CIMAP1B: variants seen among roughly 807,000 people sequenced by gnomAD.
CIMAP1B encodes the protein orf2 5' to PD-ECGF/TP.
the CIMAP1B span, chr22:50,532,019 G>A: frequency 1.5e-6 from 2 of 1,355,176 alleles, no homozygotes; most frequent in Non-Finnish European, 1.9e-6. Flanking sequence ...GTAGTGCGCC[G>A]CGATGGGGCC....
chr22:50,532,080 C>A, the CIMAP1B span: 1 of 1,367,252 alleles, frequency 7.3e-7, no homozygotes, highest in Non-Finnish European at 9.5e-7. Flanking sequence ...GAGCCCATAG[C>A]GCGGGTGGGG....
At chr22:50,530,458 G>T in the CIMAP1B span, 1 of 1,578,292 alleles carries the variant, frequency 6.3e-7, no homozygotes, top group Non-Finnish European at 8.6e-7. Flanking sequence ...AAACACGTGT[G>T]GGGCCGCTCC....
chr22:50,530,886 C>T, the CIMAP1B span: 1 of 1,607,586 alleles, frequency 6.2e-7, no homozygotes, highest in Non-Finnish European at 8.5e-7. Context: ...GCTGCCGCCT[C>T]CACTGCCGCG....
chr22:50,531,531 G>T, the CIMAP1B span: 1 of 1,402,664 alleles, frequency 7.1e-7, no homozygotes, highest in Non-Finnish European at 9.2e-7. Flanking sequence ...CCTGGAGGCA[G>T]TTCGGCGTTG....
the CIMAP1B span, chr22:50,531,733 G>C: frequency 4.0e-4 from 552 of 1,370,978 alleles, 4 homozygotes; most frequent in African/African-American, 7.8e-3. Flanking sequence ...CGAAGGTGAA[G>C]GCGGGGGCGC....
At chr22:50,532,045 C>A in the CIMAP1B span, 1 of 1,344,922 alleles carries the variant, frequency 7.4e-7, no homozygotes, top group Non-Finnish European at 9.6e-7. Flanking sequence ...GCCGGTGTGG[C>A]CGCCAAAGGC....
the CIMAP1B span, chr22:50,531,663 C>T: frequency 9.5e-6 from 13 of 1,368,810 alleles, no homozygotes; most frequent in African/African-American, 1.8e-4. Flanking sequence ...GTCATGCGAG[C>T]GGGCACCAGG....
the CIMAP1B span, chr22:50,531,648 G>A: frequency 7.2e-7 from 1 of 1,379,592 alleles, no homozygotes; most frequent in Non-Finnish European, 9.3e-7. Flanking sequence ...TCGGTGCCGC[G>A]CACGGTCATG....
chr22:50,530,934 C>G, the CIMAP1B span: 27 of 1,610,744 alleles, frequency 1.7e-5, no homozygotes, highest in South Asian at 2.3e-4. Flanking sequence ...GCCCCTCCCC[C>G]ACCTTGCTGA....
the CIMAP1B span, chr22:50,531,277 C>T: frequency 6.8e-6 from 11 of 1,609,382 alleles, no homozygotes; most frequent in Non-Finnish European, 9.3e-6. Context: ...GTTCCCCGCT[C>T]GCTCCGGGAA....
the CIMAP1B span, chr22:50,531,768 C>T: frequency 1.5e-6 from 2 of 1,366,802 alleles, no homozygotes; most frequent in East Asian, 3.1e-5. Flanking sequence ...TCATGCAGGG[C>T]GTAGCCTGGG....
the CIMAP1B span, chr22:50,530,476 C>G: frequency 1.9e-6 from 3 of 1,592,888 alleles, no homozygotes; most frequent in Non-Finnish European, 8.5e-7. Context: ...TCCCGCCTGG[C>G]GGGTCAGTTG....
the CIMAP1B span, chr22:50,530,599 C>A: frequency 1.3e-6 from 2 of 1,566,362 alleles, no homozygotes; most frequent in South Asian, 1.2e-5. Flanking sequence ...GCGGGGCCGG[C>A]ATCCTCTCCG....
the CIMAP1B span, chr22:50,531,049 GC>G: frequency 6.2e-7 from 1 of 1,610,010 alleles, no homozygotes; most frequent in Non-Finnish European, 8.5e-7. Context: ...CACCGTATAG[GC>G]CGCGGGACCT....
the CIMAP1B span, chr22:50,531,735 C>T: frequency 7.3e-7 from 1 of 1,367,508 alleles, no homozygotes; most frequent in Non-Finnish European, 9.4e-7. Flanking sequence ...AAGGTGAAGG[C>T]GGGGGCGCGC....
the CIMAP1B span, chr22:50,530,724 G>A: frequency 1.9e-6 from 3 of 1,611,936 alleles, no homozygotes; most frequent in African/African-American, 2.7e-5. Context: ...GATCCACGTT[G>A]TAGGCCGCGG....
chr22:50,531,344 G>A, the CIMAP1B span: 4 of 1,438,050 alleles, frequency 2.8e-6, no homozygotes, highest in African/African-American at 4.3e-5. Flanking sequence ...GTGGGAGCCT[G>A]GTGGGTACCC....
the CIMAP1B span, chr22:50,532,308 C>A: frequency 8.3e-6 from 4 of 482,344 alleles, no homozygotes; most frequent in Non-Finnish European, 1.3e-5. Context: ...CACCCGGACT[C>A]CAGGCGCATT....
At chr22:50,531,874 A>C in the CIMAP1B span, 1 of 1,319,950 alleles carries the variant, frequency 7.6e-7, no homozygotes, top group South Asian at 2.3e-5. Flanking sequence ...TCTAGCAGGC[A>C]CGGTTCAGCC....
Sources: gnomAD v4.1 joint callset for allele counts on GRCh38, gnomAD v4.1.1 for gene constraint, MANE v1.5 for transcripts, NCBI Gene and HGNC (gene_info 2026-07-23, HGNC 2026-07-21) for gene names.